The following ZNF777 variants were observed in gnomAD, a reference collection of about 807,000 sequenced individuals.
The protein encoded by ZNF777 is zinc finger protein 777.
ZNF777 carries 7 observed loss-of-function variants against 72.1 expected under a neutral mutation model. The ratio of observed to expected loss-of-function variants is 0.10; its 90% CI spans 0.06 to 0.18. The LOEUF is 0.18. Ranked by LOEUF, ZNF777 falls within the 10% of genes least tolerant of loss-of-function variation. ZNF777 has a pLI of 1.00. For synonymous variants in ZNF777, 545 were observed against 483.5 expected, an observed-to-expected ratio of 1.13 and a Z score of -1.67; for missense variants, 828 against 1,128.6, an observed-to-expected ratio of 0.73 and a Z score of 3.82.
Position 149,432,463 on chromosome 7 carries a change from G to C in ZNF777, c.1809C>G (p.Val603=), listed in dbSNP as rs1799329962. ...TGAACGTGGGCCCGCGTTCGGGTGA[G>C]ACGCAGCCTCCGCGCACGCGGTGGA... ...QRIHRVRGGC[V]SPERGPTFNP... Residue 603 remains valine, a synonymous_variant, in exon 6 of 6, where the codon GTC becomes GTG. Coordinates refer to ENST00000247930, the MANE Select transcript of ZNF777 (RefSeq NM_015694.3). 6.2e-7 allele frequency: 1 copy of C among 1,613,650 alleles called. No homozygotes were observed. Among genetic ancestry groups the C allele is most frequent in the Non-Finnish European group, 8.5e-7 (1 of 1,179,892 alleles).
At chr7:149,446,525 CAT>C (rs1799605965) in intron 4 of ZNF777, among the ~76,000 whole-genome samples, 1 of 152,102 alleles carries the variant, frequency 6.6e-6, no homozygotes, top group Non-Finnish European at 1.5e-5. Flanking sequence ...TTTTAAAAAA[CAT>C]AGAGAAATAT....
At chr7:149,441,332 G>A (rs767343304) in intron 4 of ZNF777, among the ~76,000 whole-genome samples, 66 of 152,152 alleles carry the variant, frequency 4.3e-4, no homozygotes, top group Non-Finnish European at 1.5e-4. Flanking sequence ...AGGGAAAAAA[G>A]CTACTTCACA....
rs1001545147 is a variant in ZNF777, at chr7:149,450,566, G to A, written c.1087+433C>T. On this transcript the variant is annotated intron_variant, in intron 4 of 5. Transcript: ENST00000247930. ...TATCTGCTGACTCCACCTACATGCT[G>A]TCCTGCTGAAGCTGTGCATGTAGGA... 2.6e-5 allele frequency among the ~76,000 whole-genome samples: 4 copies of A among 152,172 alleles called. No individual in the cohort carries two copies. In the East Asian group the frequency reaches 5.8e-4, roughly 22 times the overall value.
rs1799321377 is a variant in ZNF777 at position 149,432,221 on chromosome 7, C to T, written c.2051G>A (p.Arg684His). The T allele has an allele frequency of 6.2e-7, 1 of 1,607,334 alleles. No individual in the cohort carries two copies. Among genetic ancestry groups the T allele is most frequent in the Non-Finnish European group, 8.5e-7 (1 of 1,179,894 alleles). ...GACCTCATGCTTGCCCGCGTGCACG[C>T]GCTGATGGATCACCAAGCTGATGTG... is the stretch of plus-strand genomic sequence containing the variant. ...RLHISLVIHQ[R>H]VHAGKHEVSF... Residue 684 changes from arginine to histidine, a missense_variant, in exon 6 of 6, where the codon CGC (arginine) becomes CAC (histidine). Physicochemically the swap from Arg to His is conservative, Grantham distance 29. Around this residue, in one of 12 missense-constraint regions of ZNF777, gnomAD observed 26 missense variants for 62.1 expected, o/e 0.42. Transcript: ENST00000247930.
chr7:149,432,565 G>C lies in ZNF777; in HGVS notation c.1707C>G (p.Ile569Met), dbSNP rs757391557. 5 of 1,613,610 alleles carry C rather than the reference G, an allele frequency of 3.1e-6. No individual in the cohort carries two copies. ...INLIIHQRNHIKEGPYECAEC... is the reference protein window; with the variant it reads ...INLIIHQRNHMKEGPYECAEC... ...CGGCGCACTCGTAGGGCCCCTCCTT[G>C]ATGTGGTTGCGCTGGTGGATGATGA... Residue 569 changes from isoleucine to methionine, a missense_variant, in exon 6 of 6, where the codon ATC (isoleucine) becomes ATG (methionine). By Grantham distance (10) the Ile-to-Met change is conservative. This residue lies in a region of ZNF777 where 22 missense variants were observed against 48.3 expected (regional missense o/e 0.46). Transcript: ENST00000247930.
intron 4 of ZNF777, among the ~76,000 whole-genome samples, chr7:149,449,247 G>T (rs112150365): frequency 6.6e-6 from 1 of 152,304 alleles, no homozygotes; most frequent in East Asian, 1.9e-4. Context: ...GACTCCCAGG[G>T]CCTGGAGATG....
intron 5 of ZNF777, 45 bp from the exon 6 acceptor site, chr7:149,432,977 G>A: frequency 1.1e-5 from 16 of 1,448,496 alleles, no homozygotes; most frequent in Non-Finnish European, 1.5e-5. Flanking sequence ...GCTGCCTGGC[G>A]CCCCTAACCT....
intron 1 of ZNF777, among the ~76,000 whole-genome samples, chr7:149,456,526 G>A (rs1019339574): frequency 3.9e-5 from 6 of 152,204 alleles, no homozygotes; most frequent in African/African-American, 1.4e-4. Flanking sequence ...AGAAACAAAA[G>A]AGCAGAATTT....
At chr7:149,438,249 C>A (rs763330541) in intron 4 of ZNF777, among the ~76,000 whole-genome samples, 42 of 152,210 alleles carry the variant, frequency 2.8e-4, no homozygotes, top group Middle Eastern at 3.2e-3. Context: ...CTGCCCACCT[C>A]AGCCTCCCAA....
intron 3 of ZNF777, among the ~76,000 whole-genome samples, chr7:149,452,180 G>A (rs1799731362): frequency 1.3e-5 from 2 of 152,050 alleles, no homozygotes; most frequent in South Asian, 2.1e-4. Flanking sequence ...CAGGAGAATA[G>A]TGTGAACCCG....
intron 4 of ZNF777, among the ~76,000 whole-genome samples, chr7:149,450,162 T>G (rs908223740): frequency 1.3e-5 from 2 of 152,218 alleles, no homozygotes; most frequent in Non-Finnish European, 2.9e-5. Flanking sequence ...CTTCTGCTGA[T>G]GACCATCAAG....
chr7:149,443,311 A>T (rs1799555771), intron 4 of ZNF777, among the ~76,000 whole-genome samples: 2 of 152,230 alleles, frequency 1.3e-5, no homozygotes, highest in Admixed American at 6.5e-5. Context: ...TTTTTTTACA[A>T]TGATAATGTG....
rs759262687 is a variant in ZNF777, at chr7:149,455,588, T to C, written c.435A>G (p.Thr145=). The C allele has an allele frequency of 1.0e-5, 16 of 1,605,426 alleles. No homozygotes were observed. Among genetic ancestry groups the C allele is most frequent in the Middle Eastern group, 1.6e-4 (1 of 6,064 alleles). Residue 145 remains threonine (T), a synonymous_variant, in exon 2 of 6, where the codon ACA becomes ACG. Transcript: ENST00000247930. This position sits in a 1 kb window ranked among gnomAD's most constrained non-coding sequence, Gnocchi z 4.2. Reference sequence around the variant, plus strand: ...GCGGGTCCATGTCAGTCTCGGGAACTGTTGGGGAAAGGGTCAGGGGGTCTT... The same window carrying C: ...GCGGGTCCATGTCAGTCTCGGGAACCGTTGGGGAAAGGGTCAGGGGGTCTT... ...PEKDPLTLSP[T]VPETDMDPLL...
At chr7:149,441,732 T>C (rs1799519175) in intron 4 of ZNF777, among the ~76,000 whole-genome samples, 1 of 152,242 alleles carries the variant, frequency 6.6e-6, no homozygotes, top group African/African-American at 2.4e-5. Context: ...TATTAGTTAC[T>C]GAAAGTGATA....
In ZNF777 at chr7:149,432,564, T is replaced by C; in HGVS notation, c.1708A>G (p.Lys570Glu). 1 of 1,613,408 alleles carries C rather than the reference T, an allele frequency of 6.2e-7. No individual in the cohort carries two copies. Among genetic ancestry groups the C allele is most frequent in the Non-Finnish European group, 8.5e-7 (1 of 1,179,714 alleles). Residue 570 changes from lysine to glutamate, a missense_variant, in exon 6 of 6, where the codon AAG (lysine) becomes GAG (glutamate). Physicochemically the swap from Lys to Glu is moderately conservative, Grantham distance 56 (BLOSUM62 1). Coordinates refer to ENST00000247930, the MANE Select transcript of ZNF777 (RefSeq NM_015694.3). ...NLIIHQRNHIKEGPYECAECE... is the reference protein window; with the variant it reads ...NLIIHQRNHIEEGPYECAECE... ...TCGGCGCACTCGTAGGGCCCCTCCT[T>C]GATGTGGTTGCGCTGGTGGATGATG...
chr7:149,456,436 G>A (rs1380170983), intron 1 of ZNF777, among the ~76,000 whole-genome samples: 2 of 152,150 alleles, frequency 1.3e-5, no homozygotes, highest in Non-Finnish European at 2.9e-5. Context: ...AGTGTCCTGT[G>A]TCCTCATCCA....
rs536836783 is a variant in ZNF777, at chr7:149,443,752, A to G, written c.1088-6926T>C. 1.2e-3 allele frequency among the ~76,000 whole-genome samples: 180 copies of G among 152,104 alleles called. 1 individual carries two copies. Among genetic ancestry groups the G allele is most frequent in the Non-Finnish European group, 2.0e-3 (135 of 67,976 alleles). ...CATGGGCCACCACACCCAGCTATAT[A>G]TACATATTTTGTGTACTTTTAGTAG... On this transcript the variant is annotated intron_variant, in intron 4 of 5. Transcript: ENST00000247930.
chr7:149,441,224 A>T (rs1799508566), intron 4 of ZNF777, among the ~76,000 whole-genome samples: 1 of 152,242 alleles, frequency 6.6e-6, no homozygotes, highest in Admixed American at 6.5e-5. Context: ...AATCGAAGAC[A>T]CATACATTGT....
chr7:149,454,023 TC>T, intron 3 of ZNF777, 87 bp downstream of exon 3: 5 of 1,560,824 alleles, frequency 3.2e-6, no homozygotes, highest in Non-Finnish European at 4.3e-6. Context: ...AACTATTGGC[TC>T]TGCTGGGGTT....
Sources: gnomAD v4.1 joint callset for allele counts (sites outside exome capture counted in the v4.1 genomes callset) on GRCh38, gnomAD v4.1.1 for gene constraint, gnomAD v4.1.1 regional missense constraint, Gnocchi (gnomAD v3.1) non-coding constraint, MANE v1.5 for transcripts, NCBI Gene and HGNC (gene_info 2026-07-23, HGNC 2026-07-21) for gene names.